Variants in ATP13A1 observed in about 807,000 individuals in gnomAD.
ATP13A1 encodes the protein endoplasmic reticulum transmembrane helix translocase.
A neutral mutation model predicts 134.8 loss-of-function variants in ATP13A1; 55 were observed. The ratio of observed to expected loss-of-function variants is 0.41; its 90% CI spans 0.33 to 0.51. The LOEUF (loss-of-function observed/expected upper bound fraction) is 0.51, where lower values mean the gene tolerates loss of function less well. ATP13A1 is among the 20% of genes least tolerant of loss of function. ATP13A1 has a pLI of 0.29. For missense variants in ATP13A1, 1,389 were observed against 1,652.8 expected, an observed-to-expected ratio of 0.84 and a Z score of 2.77; for synonymous variants, 775 against 725.1, an observed-to-expected ratio of 1.07 and a Z score of -1.10.
rs760083678 is a variant in ATP13A1, at chr19:19,651,764, C to T, written c.2260G>A (p.Ala754Thr). The T allele has an allele frequency of 1.2e-5, 20 of 1,613,248 alleles. No homozygotes were observed. Among genetic ancestry groups the T allele is most frequent in the Non-Finnish European group, 1.7e-5 (20 of 1,179,550 alleles). ...TGCAGCTCCTGGGCCACGTGGCATG[C>T]AGTGAGCGGGTTGTCTCCCGTGATC... ...VMITGDNPLT[A>T]CHVAQELHFI... The change falls in exon 17 of 26, where the codon GCA becomes ACA. Residue 754 changes from alanine (A) to threonine (T), a missense_variant. By Grantham distance (58) the Ala-to-Thr change is moderately conservative (BLOSUM62 0). Coordinates refer to ENST00000357324, the MANE Select transcript of ATP13A1 (RefSeq NM_020410.3).
intron 1 of ATP13A1, among the ~76,000 whole-genome samples, chr19:19,661,690 G>A (rs2062095357): frequency 6.6e-6 from 1 of 152,186 alleles, no homozygotes; most frequent in Admixed American, 6.5e-5. Context: ...AACTCGTTCA[G>A]TGCTCCCTGG....
intron 1 of ATP13A1, among the ~76,000 whole-genome samples, chr19:19,661,073 C>T (rs986955628): frequency 6.7e-6 from 1 of 148,550 alleles, no homozygotes; most frequent in East Asian, 2.0e-4. Context: ...AGCCAGACTC[C>T]ATCTCAAAAA....
intron 16 of ATP13A1, 101 bp from the exon 17 acceptor site, chr19:19,651,898 G>C: frequency 1.1e-6 from 1 of 886,348 alleles, no homozygotes; most frequent in South Asian, 1.7e-5. Flanking sequence ...GCCACAGTGG[G>C]AGATCCTGGG....
At chr19:19,662,093 G>A (rs1302234052) in intron 1 of ATP13A1, 1 of 1,575,866 alleles carries the variant, frequency 6.3e-7, no homozygotes, top group Admixed American at 1.8e-5. Flanking sequence ...GCTGATGGCT[G>A]TTCAGCTCCT....
At chr19:19,652,004 A>C (rs552941544) in intron 16 of ATP13A1, among the ~76,000 whole-genome samples, 36 of 152,034 alleles carry the variant, frequency 2.4e-4, no homozygotes, top group Non-Finnish European at 4.6e-4. Flanking sequence ...CGTCCTTCTG[A>C]AGACACCCTT....
intron 1 of ATP13A1, among the ~76,000 whole-genome samples, chr19:19,662,499 C>T (rs1450602028): frequency 6.6e-6 from 1 of 152,114 alleles, no homozygotes; most frequent in Non-Finnish European, 1.5e-5. Context: ...GCTGGTGTCA[C>T]CTGAGGCAGG....
chr19:19,661,262 A>G (rs978627932), intron 1 of ATP13A1, among the ~76,000 whole-genome samples: 3 of 152,124 alleles, frequency 2.0e-5, no homozygotes, highest in African/African-American at 7.2e-5. Flanking sequence ...TACGTCCTCA[A>G]TTCACGTGAG....
rs1599425528 is a variant in ATP13A1 at position 19,646,123 on chromosome 19, G to A, written c.3248+82C>T. 2.5e-6 allele frequency: 4 copies of A among 1,603,072 alleles called. No homozygotes were observed. In the African/African-American group the frequency reaches 5.3e-5, roughly 21 times the overall value. ...CCCTGGACACCCTGGACAACCCCCA[G>A]CCTCTCCTGCTGAAGTCTGTGGAGT... On this transcript the variant is annotated intron_variant, in intron 23 of 25. Coordinates refer to ENST00000357324, the MANE Select transcript of ATP13A1 (RefSeq NM_020410.3).
rs763088916 is a variant in ATP13A1, at chr19:19,659,747, G to A, written c.531C>T (p.Ile177=). Residue 177 remains isoleucine, a synonymous_variant, in exon 3 of 26, where the codon ATC becomes ATT. Transcript: ENST00000357324. ...LEVLSFEFQK[I]KYSYDALEKK... is the part of the protein sequence containing the mutation. ...TCTCCAGGGCATCGTAGGAATACTT[G>A]ATCTTCTGGAATTCGAAGGACAGCA... 1.2e-6 allele frequency: 2 copies of A among 1,613,916 alleles called. No individual in the cohort carries two copies.
At chr19:19,654,332 C>T (rs1205930911) in intron 13 of ATP13A1, among the ~76,000 whole-genome samples, 188 bp from the exon 14 acceptor site, 4 of 152,146 alleles carry the variant, frequency 2.6e-5, no homozygotes, top group Admixed American at 6.5e-5. Flanking sequence ...ACTGTGGCTT[C>T]GGCCAGGGCA....
rs1273853286 is a variant in ATP13A1, at chr19:19,663,365, A to G, written c.302T>C (p.Leu101Pro). Residue 101 changes from leucine to proline, a missense_variant, in exon 1 of 26, where the codon CTG (leucine) becomes CCG (proline). Transcript: ENST00000357324. Reference protein sequence around the residue: ...SSWVQIPEAALLVLATICLAH... With the variant: ...SSWVQIPEAAPLVLATICLAH... ...GAGGCAGATGGTGGCAAGCACGAGC[A>G]GCGCAGCTTCGGGGATCTGCACCCA... 6.3e-7 allele frequency: 1 copy of G among 1,591,180 alleles called. No homozygotes were observed. The highest frequency in any genetic ancestry group is 8.5e-7 in the Non-Finnish European group (1 of 1,170,196).
intron 3 of ATP13A1, among the ~76,000 whole-genome samples, chr19:19,659,398 G>A (rs576055924): frequency 6.6e-6 from 1 of 152,274 alleles, no homozygotes; most frequent in South Asian, 2.1e-4. Flanking sequence ...GGAGGTTGGG[G>A]TGAGCTGAGA....
chr19:19,663,085 C>A (rs1295247575), intron 1 of ATP13A1, 186 bp downstream of exon 1: 2 of 840,492 alleles, frequency 2.4e-6, no homozygotes. Flanking sequence ...CCGCACCAGG[C>A]ATGCACAGCA....
At chr19:19,649,381 G>A (rs183597000) in intron 19 of ATP13A1, among the ~76,000 whole-genome samples, 186 bp downstream of exon 19, 31 of 152,272 alleles carry the variant, frequency 2.0e-4, no homozygotes, top group African/African-American at 6.3e-4. Flanking sequence ...CCTCCGCCCT[G>A]CTCTGTTCCT....
intron 13 of ATP13A1, 108 bp from the exon 14 acceptor site, chr19:19,654,252 C>T (rs1294338787): frequency 8.2e-7 from 1 of 1,212,730 alleles, no homozygotes; most frequent in East Asian, 2.5e-5. Context: ...CCCCCAGGGC[C>T]TGATCGGGGC....
At chr19:19,654,438 T>C (rs1370441873) in intron 13 of ATP13A1, 105 bp downstream of exon 13, 15 of 1,372,450 alleles carry the variant, frequency 1.1e-5, no homozygotes, top group South Asian at 4.3e-5. Context: ...ATCAGAGCTG[T>C]AGGCCTGCCT....
In ATP13A1 at chr19:19,655,091, C is replaced by T; in HGVS notation, c.1655+28G>A. 1 of 1,612,602 alleles carries T rather than the reference C, an allele frequency of 6.2e-7. No homozygotes were observed. The highest frequency in any genetic ancestry group is 1.1e-5 in the South Asian group (1 of 90,890). On this transcript the variant is annotated intron_variant, in intron 12 of 25. Transcript: ENST00000357324. The surrounding 1 kb of genome is among the most constrained non-coding windows in gnomAD (Gnocchi z 5.7). The stretch of plus-strand genomic sequence containing the variant: ...CTTCCCAGAAACCCCATCTGGGTGA[C>T]CTTTGCTGCAGGGCCCCTGATGCTT...
intron 13 of ATP13A1, 53 bp downstream of exon 13, chr19:19,654,490 G>A: frequency 6.5e-7 from 1 of 1,549,090 alleles, no homozygotes; most frequent in Admixed American, 1.9e-5. Context: ...CCTGCCTAGG[G>A]CTGTGAGAGC....
At chr19:19,651,661 C>T (rs765569867) in intron 17 of ATP13A1, 28 bp downstream of exon 17, 2 of 1,577,596 alleles carry the variant, frequency 1.3e-6, no homozygotes, top group South Asian at 2.2e-5. Context: ...GTCCCCCTTC[C>T]CCACTGTGGG....
Sources: allele counts gnomAD v4.1 joint callset (sites outside exome capture counted in the v4.1 genomes callset), GRCh38; gene constraint gnomAD v4.1.1; non-coding constraint Gnocchi (gnomAD v3.1); transcripts MANE v1.5; gene names NCBI Gene and HGNC (gene_info 2026-07-23, HGNC 2026-07-21).